HECW2: variants seen among roughly 807,000 people sequenced by gnomAD.
HECW2 encodes the protein E3 ubiquitin-protein ligase HECW2.
A neutral mutation model predicts 175.2 loss-of-function variants in HECW2; 61 were observed. The ratio of observed to expected loss-of-function variants is 0.35; its 90% CI spans 0.28 to 0.43. The LOEUF (loss-of-function observed/expected upper bound fraction) is 0.43, where lower values mean the gene tolerates loss of function less well. Ranked by LOEUF, HECW2 falls within the 20% of genes least tolerant of loss-of-function variation. The pLI, the probability that HECW2 is intolerant of heterozygous loss-of-function variation, is 1.00. For missense variants in HECW2, 1,524 were observed against 2,000.5 expected (o/e 0.76, Z 4.54); for synonymous variants, 671 against 731.0 (o/e 0.92, Z 1.32).
chr2:196,227,289 T>C (rs13431857), intron 22 of HECW2, among the ~76,000 whole-genome samples: 19,823 of 142,850 alleles, frequency 0.14, 1,649 homozygotes, highest in African/African-American at 0.24. Context: ...TTTGTTGCTG[T>C]CAGGGAAAAT....
intron 1 of HECW2, among the ~76,000 whole-genome samples, chr2:196,504,112 A>G (rs1228945114): frequency 6.6e-6 from 1 of 152,060 alleles, no homozygotes; most frequent in Non-Finnish European, 1.5e-5. Context: ...CCTGGATAAC[A>G]TAGTGTAACC....
chr2:196,418,135 T>C (rs540261704), intron 2 of HECW2, among the ~76,000 whole-genome samples: 4 of 134,916 alleles, frequency 3.0e-5, no homozygotes, highest in African/African-American at 7.7e-5. Context: ...TGATCACTTC[T>C]TTTTTTTTTT....
intron 19 of HECW2, among the ~76,000 whole-genome samples, chr2:196,251,188 CCTTTGAGCA>C (rs1323624496): frequency 6.6e-6 from 1 of 152,150 alleles, no homozygotes; most frequent in African/African-American, 2.4e-5. Context: ...CTTCCTGAGC[CCTTTGAGCA>C]TGTGGCTCTA....
chr2:196,487,582 G>A (rs1306295831), intron 1 of HECW2, among the ~76,000 whole-genome samples: 2 of 152,024 alleles, frequency 1.3e-5, no homozygotes, highest in East Asian at 3.9e-4. Flanking sequence ...TGGCCTATTT[G>A]GTCACAGCAC....
At chr2:196,560,686 G>A (rs916853181) in intron 1 of HECW2, among the ~76,000 whole-genome samples, 2 of 152,124 alleles carry the variant, frequency 1.3e-5, no homozygotes, top group African/African-American at 2.4e-5. Context: ...TTCCTTGGTA[G>A]ATCCACACAA....
rs1553538700 is a variant in HECW2 at position 196,569,371 on chromosome 2, C to CTAAAATAAAA, written c.-36+24127_-36+24136dup. ...CTAAACTAAACTAAACTAAACTAAACTAAAATAAAATAAAATAGGCTTTGT... is the reference window on the plus strand; with the variant it reads ...CTAAACTAAACTAAACTAAACTAAACTAAAATAAAATAAAATAAAATAAAATAGGCTTTGT... On this transcript the variant is annotated intron_variant, in intron 1 of 28. Coordinates refer to ENST00000644978, the MANE Select transcript of HECW2 (RefSeq NM_001348768.2). Among the ~76,000 whole-genome samples the CTAAAATAAAA allele has an allele frequency of 1.6e-3, 229 of 144,278 alleles. 1 individual carries two copies. The highest frequency in any genetic ancestry group is 3.6e-3 in the African/African-American group (126 of 35,016). 94.7% of individuals were successfully genotyped at this position (144,278 alleles called of 152,430 possible). A position where few individuals can be genotyped will look rare whatever the true frequency, so the allele number is the denominator to read the frequency against.
rs773092977 is a variant in HECW2 at position 196,423,690 on chromosome 2, G to GTGTGTGTGTT, written c.292+9441_292+9442insAACACACACA. Among the ~76,000 whole-genome samples, 100 of 149,468 alleles carry GTGTGTGTGTT rather than the reference G, an allele frequency of 6.7e-4. 1 individual carries two copies. Among genetic ancestry groups the GTGTGTGTGTT allele is most frequent in the Non-Finnish European group, 9.0e-4 (61 of 67,584 alleles). On this transcript the variant is annotated intron_variant, in intron 2 of 28. Transcript: ENST00000644978. ...ATGAATGTATAGTATTCCATTGTGT[G>GTGTGTGTGTT]TGTGTGTGTGTGTGTGTGTGTGTGT...
chr2:196,320,051 C>T, intron 8 of HECW2, 147 bp from the exon 9 acceptor site: 1 of 799,232 alleles, frequency 1.3e-6, no homozygotes, highest in Non-Finnish European at 1.9e-6. Context: ...CCACTCACTA[C>T]TAAATGAGGA....
chr2:196,582,425 G>A (rs975919958), intron 1 of HECW2, among the ~76,000 whole-genome samples: 2 of 152,176 alleles, frequency 1.3e-5, no homozygotes, highest in African/African-American at 4.8e-5. Flanking sequence ...TTCTGTTTCT[G>A]TATCTCCTTG....
At chr2:196,291,086 T>A (rs899358966) in intron 14 of HECW2, 1 of 152,158 alleles carries the variant, frequency 6.6e-6, no homozygotes, top group African/African-American at 2.4e-5. Flanking sequence ...TCTCAGGTAA[T>A]ATTGCTGGAA....
At chr2:196,324,917 G>A in intron 6 of HECW2, 63 bp downstream of exon 6, 1 of 1,371,090 alleles carries the variant, frequency 7.3e-7, no homozygotes, top group Non-Finnish European at 9.9e-7. Context: ...AAGTCTCAAG[G>A]AAAGAGAGAG....
chr2:196,286,099 G>A (rs547262847), intron 14 of HECW2, among the ~76,000 whole-genome samples: 2 of 152,180 alleles, frequency 1.3e-5, no homozygotes, highest in African/African-American at 2.4e-5. Flanking sequence ...ACCAGCTTGT[G>A]AGAGCGGACT....
chr2:196,487,377 T>A (rs911410435), intron 1 of HECW2, among the ~76,000 whole-genome samples: 1 of 152,210 alleles, frequency 6.6e-6, no homozygotes, highest in Non-Finnish European at 1.5e-5. Context: ...AGTGGTGCCA[T>A]GAGCTGTGGG....
At chr2:196,552,613 C>T (rs2125486125) in intron 1 of HECW2, among the ~76,000 whole-genome samples, 1 of 152,364 alleles carries the variant, frequency 6.6e-6, no homozygotes, top group Non-Finnish European at 1.5e-5. Flanking sequence ...CAACTCTTCA[C>T]ATAATCACCT....
chr2:196,424,667 C>T (rs1695493704), intron 2 of HECW2, among the ~76,000 whole-genome samples: 1 of 152,112 alleles, frequency 6.6e-6, no homozygotes, highest in African/African-American at 2.4e-5. Flanking sequence ...GAGCAAGACC[C>T]TAACCCTATT....
intron 1 of HECW2, among the ~76,000 whole-genome samples, chr2:196,538,488 T>C (rs1689095761): frequency 1.3e-5 from 2 of 152,202 alleles, no homozygotes; most frequent in African/African-American, 4.8e-5. Flanking sequence ...AGAGAGGTTT[T>C]GGGAAAGTTC....
At chr2:196,519,783 ATTTAC>A (rs1311628673) in intron 1 of HECW2, among the ~76,000 whole-genome samples, 2 of 152,198 alleles carry the variant, frequency 1.3e-5, no homozygotes, top group Non-Finnish European at 1.5e-5. Context: ...ATTACCTGGA[ATTTAC>A]TTTAAAATAC....
At chr2:196,459,877 C>A (rs1696670579) in intron 1 of HECW2, among the ~76,000 whole-genome samples, 1 of 152,156 alleles carries the variant, frequency 6.6e-6, no homozygotes, top group Non-Finnish European at 1.5e-5. Context: ...AGTTAAAAAC[C>A]ATGGGTCCCC....
At chr2:196,586,906 G>A (rs973486013) in intron 1 of HECW2, among the ~76,000 whole-genome samples, 25 of 152,070 alleles carry the variant, frequency 1.6e-4, no homozygotes, top group East Asian at 9.6e-4. Context: ...ATCTGCTAGC[G>A]TGCACTTGAT....
Sources: allele counts gnomAD v4.1 joint callset (sites outside exome capture counted in the v4.1 genomes callset), GRCh38; gene constraint gnomAD v4.1.1; transcripts MANE v1.5; gene names NCBI Gene and HGNC (gene_info 2026-07-23, HGNC 2026-07-21).